The following ZSWIM5 variants were observed in gnomAD, a reference collection of about 807,000 sequenced individuals.
The protein encoded by ZSWIM5 is zinc finger SWIM-type containing 5.
In ZSWIM5, 55 loss-of-function variants were observed where a neutral mutation model predicts 119.6. That is an observed-to-expected ratio of 0.46 (90% CI 0.37 to 0.58). The LOEUF (loss-of-function observed/expected upper bound fraction) is 0.58. Ranked by LOEUF, ZSWIM5 falls within the 20% of genes least tolerant of loss-of-function variation. The pLI, the probability that ZSWIM5 is intolerant of heterozygous loss-of-function variation, is 0.00. For missense variants in ZSWIM5, 1,193 were observed against 1,512.8 expected, an observed-to-expected ratio of 0.79 and a Z score of 3.51; for synonymous variants, 537 against 606.9, an observed-to-expected ratio of 0.88 and a Z score of 1.69.
intron 1 of ZSWIM5, among the ~76,000 whole-genome samples, chr1:45,176,956 C>T (rs1308411795): frequency 6.6e-6 from 1 of 152,060 alleles, no homozygotes; most frequent in Non-Finnish European, 1.5e-5. Flanking sequence ...TCCAATATAC[C>T]CTTTCAGGCC....
chr1:45,144,851 CAA>C (rs1352891578), intron 1 of ZSWIM5, among the ~76,000 whole-genome samples: 2 of 152,124 alleles, frequency 1.3e-5, no homozygotes, highest in African/African-American at 4.8e-5. Context: ...CTTGCTCTGA[CAA>C]AGACACTATT....
chr1:45,204,965 G>A lies in ZSWIM5; in HGVS notation c.595+791C>T, dbSNP rs534465483. On this transcript the variant is annotated intron_variant, in intron 1 of 13. Transcript: ENST00000359600. ...GACTAGAAGCTCCGGAGGAGTAAAG[G>A]AAGAAATCATTTGTATAATATATTT... is the stretch of plus-strand genomic sequence containing the variant. Among the ~76,000 whole-genome samples the A allele has an allele frequency of 7.2e-5, 11 of 152,146 alleles. No individual in the cohort carries two copies. The South Asian group carries it at 2.3e-3, about 32-fold the overall frequency.
chr1:45,194,360 C>G (rs1409786676), intron 1 of ZSWIM5, among the ~76,000 whole-genome samples: 17 of 151,918 alleles, frequency 1.1e-4, no homozygotes, highest in Admixed American at 1.1e-3. Flanking sequence ...ATGTTTATAC[C>G]TAAAAGAAGC....
chr1:45,161,208 T>C (rs531573320), intron 1 of ZSWIM5, among the ~76,000 whole-genome samples: 1 of 152,218 alleles, frequency 6.6e-6, no homozygotes, highest in East Asian at 1.9e-4. Context: ...ATAGTGCTAA[T>C]GATAAACATC....
chr1:45,167,751 A>G (rs894872638), intron 1 of ZSWIM5, among the ~76,000 whole-genome samples: 13 of 152,154 alleles, frequency 8.5e-5, no homozygotes, highest in African/African-American at 3.1e-4. Context: ...CCATCAGAGA[A>G]ATGCAAATCA....
chr1:45,130,557 A>C (rs1645650233), intron 1 of ZSWIM5, among the ~76,000 whole-genome samples: 1 of 152,188 alleles, frequency 6.6e-6, no homozygotes, highest in African/African-American at 2.4e-5. Flanking sequence ...CACACCTATC[A>C]GAATGGCTAA....
In ZSWIM5 at chr1:45,139,125, G is replaced by C. The variant is rs192669418; in HGVS notation, c.596-50888C>G. ...TCAAAATCCTGACCTCAAATGGTCC[G>C]CCTGCCTCGGCCTCCCAAAGTGCTG... On this transcript the variant is annotated intron_variant, in intron 1 of 13. Transcript: ENST00000359600. Among the ~76,000 whole-genome samples the C allele has an allele frequency of 2.9e-4, 44 of 151,724 alleles. No homozygotes were observed. In the South Asian group the frequency reaches 8.3e-3, roughly 29 times the overall value.
intron 1 of ZSWIM5, among the ~76,000 whole-genome samples, chr1:45,175,475 G>T (rs1305328878): frequency 6.6e-6 from 1 of 151,854 alleles, no homozygotes; most frequent in African/African-American, 2.4e-5. Context: ...TTGGAGACAG[G>T]GTTTCATTCT....
rs1646186087 is a variant in ZSWIM5 at position 45,205,886 on chromosome 1, G to A, written c.465C>T (p.Gly155=). ...AAAPAGSAPG[G]VAAGASPGLG... ...GCCCGGGGGATGCCCCAGCCGCGAC[G>A]CCCCCGGGGGCGGAGCCGGCCGGAG... The change falls in exon 1 of 14, where the codon GGC becomes GGT. Residue 155 remains glycine (G), a synonymous_variant. Coordinates refer to ENST00000359600, the MANE Select transcript of ZSWIM5 (RefSeq NM_020883.2). 2 of 1,094,778 alleles carry A rather than the reference G, an allele frequency of 1.8e-6. No individual in the cohort carries two copies. Among genetic ancestry groups the A allele is most frequent in the Non-Finnish European group, 2.2e-6 (2 of 905,428 alleles). The allele number at this position is 1,094,778 out of a possible 1,614,324, so 67.8% of individuals were successfully genotyped here. A position where few individuals can be genotyped will look rare whatever the true frequency, so the allele number is the denominator to read the frequency against.
intron 2 of ZSWIM5, among the ~76,000 whole-genome samples, chr1:45,075,001 T>C (rs1645247801): frequency 6.6e-6 from 1 of 152,012 alleles, no homozygotes; most frequent in South Asian, 2.1e-4. Flanking sequence ...TAATGTTTAA[T>C]TTCCATGTAT....
intron 1 of ZSWIM5, among the ~76,000 whole-genome samples, chr1:45,131,414 G>A (rs1296557852): frequency 6.6e-6 from 1 of 152,048 alleles, no homozygotes; most frequent in Non-Finnish European, 1.5e-5. Flanking sequence ...GCAGTGGTGG[G>A]GAAGTCAGGC....
At chr1:45,049,591 G>A (rs1645077977) in intron 5 of ZSWIM5, among the ~76,000 whole-genome samples, 1 of 152,120 alleles carries the variant, frequency 6.6e-6, no homozygotes, top group Non-Finnish European at 1.5e-5. Context: ...GGCCAAGACG[G>A]GCAGATCACT....
intron 5 of ZSWIM5, among the ~76,000 whole-genome samples, chr1:45,046,454 C>T (rs1340433648): frequency 6.6e-6 from 1 of 152,090 alleles, no homozygotes; most frequent in Admixed American, 6.6e-5. Flanking sequence ...TTAAGAATGA[C>T]TCCAAGGTTT....
chr1:45,191,020 C>T (rs958891802), intron 1 of ZSWIM5, among the ~76,000 whole-genome samples: 1 of 137,882 alleles, frequency 7.3e-6, no homozygotes, highest in Non-Finnish European at 1.5e-5. Flanking sequence ...TATCTCCTCT[C>T]ACTGCAAGCT....
At chr1:45,130,392 AC>A (rs1020602880) in intron 1 of ZSWIM5, among the ~76,000 whole-genome samples, 2 of 151,842 alleles carry the variant, frequency 1.3e-5, no homozygotes, top group Non-Finnish European at 2.9e-5. Context: ...ACACACACAC[AC>A]AAAACCCAAA....
chr1:45,160,882 C>T (rs1217731008), intron 1 of ZSWIM5, among the ~76,000 whole-genome samples: 2 of 148,780 alleles, frequency 1.3e-5, no homozygotes, highest in Admixed American at 1.4e-4. Flanking sequence ...AGTGCAGTGG[C>T]AAGATCTCAG....
At chr1:45,023,853 C>A (rs940865688) in intron 11 of ZSWIM5, among the ~76,000 whole-genome samples, 2 of 152,204 alleles carry the variant, frequency 1.3e-5, no homozygotes, top group Non-Finnish European at 2.9e-5. Context: ...ATTGCTGTTG[C>A]TCCACATCCT....
intron 1 of ZSWIM5, among the ~76,000 whole-genome samples, chr1:45,175,393 T>C (rs1011691979): frequency 1.3e-5 from 2 of 152,140 alleles, no homozygotes; most frequent in Non-Finnish European, 2.9e-5. Flanking sequence ...AAGTATCTCA[T>C]GGGAACCATA....
At chr1:45,105,944 CCAAA>C (rs1230435968) in intron 1 of ZSWIM5, among the ~76,000 whole-genome samples, 5 of 130,104 alleles carry the variant, frequency 3.8e-5, no homozygotes, top group African/African-American at 1.2e-4. Flanking sequence ...CCCAGTTGCC[CCAAA>C]TGGGAAGTGA....
Sources: allele counts gnomAD v4.1 joint callset (sites outside exome capture counted in the v4.1 genomes callset), GRCh38; gene constraint gnomAD v4.1.1; transcripts MANE v1.5; gene names NCBI Gene and HGNC (gene_info 2026-07-23, HGNC 2026-07-21).